IL15RA: variants seen among roughly 807,000 people sequenced by gnomAD.
The protein encoded by IL15RA is interleukin 15 receptor subunit alpha.
IL15RA carries 26 observed loss-of-function variants against 24.2 expected under a neutral mutation model. The ratio of observed to expected loss-of-function variants is 1.07; its 90% CI spans 0.79 to 1.49. The LOEUF (loss-of-function observed/expected upper bound fraction) is 1.49, where lower values mean the gene tolerates loss of function less well. Ranked by LOEUF, IL15RA falls within the 40% of genes most tolerant of loss-of-function variation. The probability of loss-of-function intolerance (pLI) is 0.00; values close to 1 mark genes in which losing one functional copy is unlikely to be tolerated. For missense variants in IL15RA, 354 were observed against 356.4 expected (o/e 0.99, Z 0.05); for synonymous variants, 166 against 157.6 (o/e 1.05, Z -0.40).
Position 5,963,687 on chromosome 10 carries a change from G to A in IL15RA, c.382+56C>T. 1 of 1,126,206 alleles carries A rather than the reference G, an allele frequency of 8.9e-7. No individual in the cohort carries two copies. The highest frequency in any genetic ancestry group is 2.9e-5 in the East Asian group (1 of 33,970). 69.8% of individuals were successfully genotyped at this position (1,126,206 alleles called of 1,614,324 possible). A position where few individuals can be genotyped will look rare whatever the true frequency, so the allele number is the denominator to read the frequency against. ...CGTGAGTCTGCAGGATTGGTGAGCG[G>A]GCCTCTGGGTGTTGGGAGGGAATGA... On this transcript the variant is annotated intron_variant, in intron 3 of 6. Transcript: ENST00000379977. This position sits in a 1 kb window ranked among gnomAD's most constrained non-coding sequence, Gnocchi z 5.3.
Position 5,960,594 on chromosome 10 carries a change from A to C in IL15RA, c.383-27T>G, listed in dbSNP as rs2132389685. The C allele has an allele frequency of 6.2e-7, 1 of 1,602,018 alleles. No homozygotes were observed. Among genetic ancestry groups the C allele is most frequent in the East Asian group, 2.2e-5 (1 of 44,818 alleles). ...TGTAGGAGAGTCCAAGGCAGGGACAACATCAGTGTGCAGACTCCCCTCCTC... is the reference window on the plus strand; with the variant it reads ...TGTAGGAGAGTCCAAGGCAGGGACACCATCAGTGTGCAGACTCCCCTCCTC... On this transcript the variant is annotated intron_variant, in intron 3 of 6. Transcript: ENST00000379977. The surrounding 1 kb of genome is among the most constrained non-coding windows in gnomAD (Gnocchi z 5.1).
Position 5,953,415 on chromosome 10 carries a change from T to C in IL15RA, c.693-209A>G, listed in dbSNP as rs1432792736. 1.4e-6 allele frequency: 1 copy of C among 702,144 alleles called. No homozygotes were observed. Among genetic ancestry groups the C allele is most frequent in the African/African-American group, 1.8e-5 (1 of 57,054 alleles). 43.5% of individuals were successfully genotyped at this position (702,144 alleles called of 1,614,324 possible). Reference sequence around the variant, plus strand: ...CCTCTACCGAGTGTATTAAATCCTATCTAGGGGCCAGGTGTGGTGGCGCAT... The same window carrying C: ...CCTCTACCGAGTGTATTAAATCCTACCTAGGGGCCAGGTGTGGTGGCGCAT... On this transcript the variant is annotated intron_variant, in intron 6 of 6. Coordinates refer to ENST00000379977, the MANE Select transcript of IL15RA (RefSeq NM_002189.4). The surrounding 1 kb of genome is among the most constrained non-coding windows in gnomAD (Gnocchi z 5.3).
Position 5,959,163 on chromosome 10 carries a change from T to C in IL15RA, c.616+591A>G, listed in dbSNP as rs1457292716. ...TTGTTTTGTTAACTTTTTTTCTTTT[T>C]CTTTTTCTTTTTTTTTTTTTTTAAT... On this transcript the variant is annotated intron_variant, in intron 5 of 6. Transcript: ENST00000379977. The surrounding 1 kb of genome is among the most constrained non-coding windows in gnomAD (Gnocchi z 4.1). Among the ~76,000 whole-genome samples the C allele has an allele frequency of 3.3e-5, 5 of 150,814 alleles. No homozygotes were observed. The highest frequency in any genetic ancestry group is 3.3e-4 in the Admixed American group (5 of 15,154).
rs933427194 is a variant in IL15RA at position 5,968,548 on chromosome 10, C to T, written c.89-2209G>A. On this transcript the variant is annotated intron_variant, in intron 1 of 6. Coordinates refer to ENST00000379977, the MANE Select transcript of IL15RA (RefSeq NM_002189.4). The surrounding 1 kb of genome is among the most constrained non-coding windows in gnomAD (Gnocchi z 5.4). ...ATGGCGTGAGAGATGGAGTCGATCT[C>T]ACAAGTTGTTGAGGTGGATTTGGAT... is the stretch of plus-strand genomic sequence containing the variant. 72 of 554,132 alleles carry T rather than the reference C, an allele frequency of 1.3e-4. No individual in the cohort carries two copies. Among genetic ancestry groups the T allele is most frequent in the Admixed American group, 2.2e-4 (7 of 32,370 alleles). The allele number at this position is 554,132 out of a possible 1,614,324, so 34.3% of individuals were successfully genotyped here.
At chr10:5,974,077 G>A (rs768462526) in intron 1 of IL15RA, among the ~76,000 whole-genome samples, 13 of 151,690 alleles carry the variant, frequency 8.6e-5, no homozygotes, top group Non-Finnish European at 1.6e-4. Flanking sequence ...TCTGCTCACC[G>A]CAACCTCTGC....
rs1449018470 is a variant in IL15RA, at chr10:5,971,267, T to G, written c.89-4928A>C. Among the ~76,000 whole-genome samples, 1 of 152,214 alleles carries G rather than the reference T, an allele frequency of 6.6e-6. No individual in the cohort carries two copies. Among genetic ancestry groups the G allele is most frequent in the Non-Finnish European group, 1.5e-5 (1 of 68,040 alleles). On this transcript the variant is annotated intron_variant, in intron 1 of 6. Coordinates refer to ENST00000379977, the MANE Select transcript of IL15RA (RefSeq NM_002189.4). This position sits in a 1 kb window ranked among gnomAD's most constrained non-coding sequence, Gnocchi z 5.5. The stretch of plus-strand genomic sequence containing the variant: ...TACATATAATGGAATTATGAAGTAA[T>G]GGAAATTGGAGTAAACTTATGGCTC...
chr10:5,971,088 A>G lies in IL15RA; in HGVS notation c.89-4749T>C, dbSNP rs988653929. Among the ~76,000 whole-genome samples the G allele has an allele frequency of 1.3e-5, 2 of 152,210 alleles. No individual in the cohort carries two copies. Among genetic ancestry groups the G allele is most frequent in the Non-Finnish European group, 2.9e-5 (2 of 68,032 alleles). On this transcript the variant is annotated intron_variant, in intron 1 of 6. Coordinates refer to ENST00000379977, the MANE Select transcript of IL15RA (RefSeq NM_002189.4). The surrounding 1 kb of genome is among the most constrained non-coding windows in gnomAD (Gnocchi z 5.5). ...TAGATACTTGAATTATACTTTCTATATATTCTCTCATAACATTGTTCCCTA... is the reference window on the plus strand; with the variant it reads ...TAGATACTTGAATTATACTTTCTATGTATTCTCTCATAACATTGTTCCCTA...
chr10:5,949,651 C>G (rs1041853010), downstream of IL15RA, among the ~76,000 whole-genome samples: 1 of 152,166 alleles, frequency 6.6e-6, no homozygotes, highest in African/African-American at 2.4e-5. This position sits in a 1 kb window ranked among gnomAD's most constrained non-coding sequence, Gnocchi z 4.4. Flanking sequence ...CCTGCTCTCC[C>G]ACTTCCTAAT....
In IL15RA at chr10:5,963,900, T is replaced by G; in HGVS notation, c.284-59A>C. On this transcript the variant is annotated intron_variant, in intron 2 of 6. Coordinates refer to ENST00000379977, the MANE Select transcript of IL15RA (RefSeq NM_002189.4). This position sits in a 1 kb window ranked among gnomAD's most constrained non-coding sequence, Gnocchi z 5.3. ...CCTGAGCCTGGAACCTGGGCTGGCTTCAGAACGGGATACAAATAAAATATA... is the reference window on the plus strand; with the variant it reads ...CCTGAGCCTGGAACCTGGGCTGGCTGCAGAACGGGATACAAATAAAATATA... 9.3e-7 allele frequency: 1 copy of G among 1,073,864 alleles called. No homozygotes were observed. Among genetic ancestry groups the G allele is most frequent in the East Asian group, 2.9e-5 (1 of 34,912 alleles). The allele number at this position is 1,073,864 out of a possible 1,614,324, so 66.5% of individuals were successfully genotyped here.
At chr10:5,957,000 C>A (rs1834626700) in intron 5 of IL15RA, among the ~76,000 whole-genome samples, 1 of 146,622 alleles carries the variant, frequency 6.8e-6, no homozygotes, top group Admixed American at 6.9e-5. Context: ...CCCTCTGTCA[C>A]CTAGACTGGA....
upstream of IL15RA, chr10:5,977,967 C>T (rs1463165785): frequency 1.5e-5 from 3 of 197,850 alleles, no homozygotes; most frequent in Non-Finnish European, 3.0e-5. Flanking sequence ...GCTGCTCCGC[C>T]TTCGGCTTTC....
downstream of IL15RA, chr10:5,950,710 C>T (rs1184284155): frequency 6.6e-6 from 1 of 152,312 alleles, no homozygotes; most frequent in African/African-American, 2.4e-5. This position sits in a 1 kb window ranked among gnomAD's most constrained non-coding sequence, Gnocchi z 5.6. Flanking sequence ...TGTCAGGGGC[C>T]TGGCAGTTTC....
At position 5,973,077 on chromosome 10, in the gene IL15RA, G is replaced by A. The variant is rs1172201827; in HGVS notation, c.88+4328C>T. Among the ~76,000 whole-genome samples, 1 of 152,210 alleles carries A rather than the reference G, an allele frequency of 6.6e-6. No homozygotes were observed. The highest frequency in any genetic ancestry group is 6.5e-5 in the Admixed American group (1 of 15,270). On this transcript the variant is annotated intron_variant, in intron 1 of 6. Transcript: ENST00000379977. The surrounding 1 kb of genome is among the most constrained non-coding windows in gnomAD (Gnocchi z 4.5). ...TTCAAACAAAGCAGTCTTCTCAGTT[G>A]CTTCTGGCCATCGCCCGCAATCTTT...
chr10:5,977,539 C>A lies in IL15RA; in HGVS notation c.-47G>T. 1 of 1,289,198 alleles carries A rather than the reference C, an allele frequency of 7.8e-7. No homozygotes were observed. Among genetic ancestry groups the A allele is most frequent in the Non-Finnish European group, 9.8e-7 (1 of 1,018,154 alleles). 79.9% of individuals were successfully genotyped at this position (1,289,198 alleles called of 1,614,324 possible). On this transcript the variant is annotated 5_prime_UTR_variant, in exon 1 of 7. Coordinates refer to ENST00000379977, the MANE Select transcript of IL15RA (RefSeq NM_002189.4). ...CGCTGGACTCCCCGGGCGAGCGCTG[C>A]CCAGGCCGGGGGGAGGTGGCGAGCG...
Position 5,962,088 on chromosome 10 carries a change from G to A in IL15RA, c.383-1521C>T, listed in dbSNP as rs183935003. Among the ~76,000 whole-genome samples the A allele has an allele frequency of 1.1e-3, 169 of 152,326 alleles. 1 individual carries two copies. Among genetic ancestry groups the A allele is most frequent in the African/African-American group, 3.2e-3 (133 of 41,582 alleles). Reference sequence around the variant, plus strand: ...CCATCGGACCAGGTATTGGGGATGCGAAGGTGGGGCTGGGAGAGCCTACTT... The same window carrying A: ...CCATCGGACCAGGTATTGGGGATGCAAAGGTGGGGCTGGGAGAGCCTACTT... On this transcript the variant is annotated intron_variant, in intron 3 of 6. Coordinates refer to ENST00000379977, the MANE Select transcript of IL15RA (RefSeq NM_002189.4). This position sits in a 1 kb window ranked among gnomAD's most constrained non-coding sequence, Gnocchi z 5.2.
rs1833974418 is a variant in IL15RA, at chr10:5,952,659, A to G, written c.*436T>C. 1 of 192,536 alleles carries G rather than the reference A, an allele frequency of 5.2e-6. No individual in the cohort carries two copies. The highest frequency in any genetic ancestry group is 2.4e-5 in the African/African-American group (1 of 42,122). 11.9% of individuals were successfully genotyped at this position (192,536 alleles called of 1,614,324 possible). On this transcript the variant is annotated 3_prime_UTR_variant, in exon 7 of 7. Transcript: ENST00000379977. ...CCAAACGCTGGTGTCTTCCCTGTAG[A>G]CGTCTCCCACGCCAGGAGAAGCCTT...
chr10:5,954,389 G>A (rs1834229873), intron 6 of IL15RA, among the ~76,000 whole-genome samples: 1 of 152,098 alleles, frequency 6.6e-6, no homozygotes, highest in Non-Finnish European at 1.5e-5. Context: ...ACAGGTGTGA[G>A]CCACTATGCC....
rs956184525 is a variant in IL15RA at position 5,975,878 on chromosome 10, G to A, written c.88+1527C>T. Among the ~76,000 whole-genome samples the A allele has an allele frequency of 1.3e-5, 2 of 152,136 alleles. No individual in the cohort carries two copies. The highest frequency in any genetic ancestry group is 4.8e-5 in the African/African-American group (2 of 41,420). ...ACTGCACCCCAGCCGGGGTGACAGA[G>A]TGAGACTCCGTCTCAAAAAAGAAAA... On this transcript the variant is annotated intron_variant, in intron 1 of 6. Transcript: ENST00000379977. This position sits in a 1 kb window ranked among gnomAD's most constrained non-coding sequence, Gnocchi z 4.8.
At position 5,963,323 on chromosome 10, in the gene IL15RA, G is replaced by T. The variant is rs557192237; in HGVS notation, c.382+420C>A. The stretch of plus-strand genomic sequence containing the variant: ...GTGCTGCCCCTGCTGGCTAGGGGAC[G>T]AGGGAATTGATGTAAACATGCTGAA... On this transcript the variant is annotated intron_variant, in intron 3 of 6. Transcript: ENST00000379977. This position sits in a 1 kb window ranked among gnomAD's most constrained non-coding sequence, Gnocchi z 5.3. 6.6e-6 allele frequency among the ~76,000 whole-genome samples: 1 copy of T among 152,316 alleles called. No individual in the cohort carries two copies. Among genetic ancestry groups the T allele is most frequent in the East Asian group, 1.9e-4 (1 of 5,180 alleles).
Sources: allele counts gnomAD v4.1 joint callset (sites outside exome capture counted in the v4.1 genomes callset), GRCh38; gene constraint gnomAD v4.1.1; non-coding constraint Gnocchi (gnomAD v3.1); transcripts MANE v1.5; gene names NCBI Gene and HGNC (gene_info 2026-07-23, HGNC 2026-07-21).